Variants in EXD3 observed in about 807,000 individuals in gnomAD.
EXD3 encodes the protein exonuclease mut-7 homolog.
A neutral mutation model predicts 98.0 loss-of-function variants in EXD3; 92 were observed. That is an observed-to-expected ratio of 0.94 (90% confidence interval 0.79 to 1.12). The LOEUF (loss-of-function observed/expected upper bound fraction) is 1.12. EXD3 is among the 50% of genes most tolerant of loss of function. The pLI is 0.00. For missense variants in EXD3, 1,222 were observed against 1,191.6 expected (o/e 1.03, Z -0.38); for synonymous variants, 569 against 526.0 (o/e 1.08, Z -1.12).
chr9:137,401,356 C>T (rs946670267), intron 1 of EXD3, among the ~76,000 whole-genome samples: 21 of 151,990 alleles, frequency 1.4e-4, no homozygotes, highest in African/African-American at 4.4e-4. Context: ...GGGGTTTCAC[C>T]GTGTTAGCCA....
At chr9:137,372,494 C>G (rs917689213) in intron 5 of EXD3, among the ~76,000 whole-genome samples, 3 of 152,234 alleles carry the variant, frequency 2.0e-5, no homozygotes, top group Non-Finnish European at 4.4e-5. Flanking sequence ...AGGAGGCAAA[C>G]TCACCCACAA....
At chr9:137,352,291 T>G (rs111353065) in intron 11 of EXD3, 90 bp from the exon 12 acceptor site, 1 of 1,549,000 alleles carries the variant, frequency 6.5e-7, no homozygotes, top group Admixed American at 1.7e-5. Flanking sequence ...CAGGGCCTGT[T>G]TGGTGGGGGC....
intron 17 of EXD3, among the ~76,000 whole-genome samples, chr9:137,328,611 GCTACACGGGACTACACGGGA>G (rs1564477381): frequency 5.3e-5 from 1 of 19,004 alleles, no homozygotes; most frequent in Non-Finnish European, 1.1e-4. Flanking sequence ...ACTACACGGG[GCTACACGGGACTACACGGGA>G]CTACACGGGG....
chr9:137,327,659 C>G (rs928772426), intron 17 of EXD3, among the ~76,000 whole-genome samples: 2 of 66,616 alleles, frequency 3.0e-5, no homozygotes, highest in African/African-American at 1.1e-4. Flanking sequence ...GTAAAAACAA[C>G]CAATATATAC....
At chr9:137,398,035 G>C (rs900510676) in intron 1 of EXD3, among the ~76,000 whole-genome samples, 2 of 152,214 alleles carry the variant, frequency 1.3e-5, no homozygotes, top group African/African-American at 2.4e-5. Flanking sequence ...CTACATAAAA[G>C]AGCTAAATGG....
chr9:137,323,516 C>T (rs1465479151), intron 19 of EXD3, among the ~76,000 whole-genome samples: 1 of 107,136 alleles, frequency 9.3e-6, no homozygotes, highest in African/African-American at 5.1e-5. Context: ...GACACCTCAC[C>T]CCGGACCCAC....
chr9:137,321,398 CT>C (rs1832024222), intron 19 of EXD3, among the ~76,000 whole-genome samples: 3 of 152,184 alleles, frequency 2.0e-5, no homozygotes, highest in African/African-American at 7.2e-5. Flanking sequence ...CAGAATTGGG[CT>C]TGGGAGGCTG....
chr9:137,329,498 C>T (rs866004986), intron 17 of EXD3, among the ~76,000 whole-genome samples: 9 of 49,622 alleles, frequency 1.8e-4, no homozygotes, highest in African/African-American at 2.7e-4. Flanking sequence ...TACACGGGGT[C>T]ACACGGGACT....
rs1833764900 is a variant in EXD3, at chr9:137,343,604, T to TTTTTC, written c.1998+4466_1998+4467insGAAAA. 4.4e-4 allele frequency: 57 copies of TTTTTC among 130,926 alleles called. 3 individuals are homozygous for TTTTTC. In the South Asian group the frequency reaches 5.8e-3, roughly 13 times the overall value. The allele number at this position is 130,926 out of a possible 1,614,324, so 8.1% of individuals were successfully genotyped here. Reference sequence around the variant, plus strand: ...TTTTTTTTTTTTTTTTTTTTTTTTTTTTGAGACGGAGTCTCGCTCTGTTAC... The same window carrying TTTTTC: ...TTTTTTTTTTTTTTTTTTTTTTTTTTTTTTCTTGAGACGGAGTCTCGCTCTGTTAC... On this transcript the variant is annotated intron_variant, in intron 17 of 21. Transcript: ENST00000340951.
At chr9:137,354,211 G>A in intron 10 of EXD3, 128 bp downstream of exon 10, 2 of 1,483,482 alleles carry the variant, frequency 1.3e-6, no homozygotes, top group Non-Finnish European at 1.8e-6. Flanking sequence ...CCCAACATGG[G>A]GTCTGGGCTC....
intron 1 of EXD3, among the ~76,000 whole-genome samples, chr9:137,418,589 C>T (rs996984698): frequency 2.6e-5 from 4 of 152,076 alleles, no homozygotes; most frequent in Admixed American, 6.5e-5. Flanking sequence ...GAGTTTTTAA[C>T]GGAAAATTAG....
chr9:137,367,563 C>G (rs1049546663), intron 6 of EXD3: 4 of 197,970 alleles, frequency 2.0e-5, no homozygotes, highest in African/African-American at 9.3e-5. Flanking sequence ...TAGGTGACTG[C>G]TTCCCCCAGC....
chr9:137,373,091 A>C lies in EXD3; in HGVS notation c.295-19T>G, dbSNP rs1726803313. 1 of 1,543,336 alleles carries C rather than the reference A, an allele frequency of 6.5e-7. No homozygotes were observed. Among genetic ancestry groups the C allele is most frequent in the Non-Finnish European group, 8.7e-7 (1 of 1,149,690 alleles). On this transcript the variant is annotated intron_variant, in intron 4 of 21. Coordinates refer to ENST00000340951, the MANE Select transcript of EXD3 (RefSeq NM_017820.5). ...GGCTGTGCTGGAAGAGCAGGGACCC[A>C]GACTTACTGGACGCAGCACCCAGTG...
chr9:137,325,967 C>T (rs2119110925), intron 17 of EXD3, among the ~76,000 whole-genome samples: 1 of 151,810 alleles, frequency 6.6e-6, no homozygotes, highest in East Asian at 1.9e-4. Context: ...GTAGTCCCAG[C>T]TACTTAGGAA....
chr9:137,330,161 A>AG (rs1349971311), intron 17 of EXD3, among the ~76,000 whole-genome samples: 1 of 124,290 alleles, frequency 8.0e-6, no homozygotes, highest in Non-Finnish European at 1.6e-5. Flanking sequence ...GCTACACAGG[A>AG]CTACACCGGA....
chr9:137,380,753 G>A (rs1177492595), intron 3 of EXD3, among the ~76,000 whole-genome samples: 2 of 132,350 alleles, frequency 1.5e-5, no homozygotes, highest in Admixed American at 8.1e-5. Flanking sequence ...CTCCACTCAC[G>A]GCTTCAGTAG....
At chr9:137,383,244 C>G in intron 3 of EXD3, 69 bp downstream of exon 3, 1 of 1,342,496 alleles carries the variant, frequency 7.4e-7, no homozygotes, top group Non-Finnish European at 1.0e-6. Flanking sequence ...TCCTGTTAGG[C>G]CAGTCTCTGC....
At position 137,354,610 on chromosome 9, in the gene EXD3, C is replaced by T. The variant is rs553122029; in HGVS notation, c.831+90G>A. 32 of 1,576,606 alleles carry T rather than the reference C, an allele frequency of 2.0e-5. 1 individual carries two copies. In the African/African-American group the frequency reaches 2.7e-4, roughly 13 times the overall value. ...GCAGCTCCTACTTGATATGTCTGTG[C>T]ACCCTGCAGTGCGCAGTGAGTATCC... is the stretch of plus-strand genomic sequence containing the variant. On this transcript the variant is annotated intron_variant, in intron 9 of 21. Transcript: ENST00000340951.
Position 137,349,086 on chromosome 9 carries a change from C to T in EXD3, c.1830+24G>A, listed in dbSNP as rs552804422. ...CTCCTTCCCCAAGAATGCTGACAAA[C>T]GGACCCTGCGGGGCTTCACCCACCT... On this transcript the variant is annotated intron_variant, in intron 16 of 21. Transcript: ENST00000340951. The surrounding 1 kb of genome is among the most constrained non-coding windows in gnomAD (Gnocchi z 7.4). 6.7e-5 allele frequency: 105 copies of T among 1,564,172 alleles called. 1 individual carries two copies. The highest frequency in any genetic ancestry group is 4.3e-4 in the South Asian group (37 of 86,306).
Sources: gnomAD v4.1 joint callset for allele counts (sites outside exome capture counted in the v4.1 genomes callset) on GRCh38, gnomAD v4.1.1 for gene constraint, Gnocchi (gnomAD v3.1) non-coding constraint, MANE v1.5 for transcripts, NCBI Gene and HGNC (gene_info 2026-07-23, HGNC 2026-07-21) for gene names.